The following FBLN5 variants were observed in gnomAD, a reference collection of about 807,000 sequenced individuals.
The protein encoded by FBLN5 is fibulin 5.
A neutral mutation model predicts 61.6 loss-of-function variants in FBLN5; 24 were observed. That is an observed-to-expected ratio of 0.39 (90% CI 0.28 to 0.55). FBLN5 has a LOEUF of 0.55. FBLN5 is among the 20% of genes least tolerant of loss of function. The pLI, the probability that FBLN5 is intolerant of heterozygous loss-of-function variation, is 0.65. For synonymous variants in FBLN5, 213 were observed against 219.8 expected (o/e 0.97, Z 0.27); for missense variants, 470 against 594.1 (o/e 0.79, Z 2.17).
intron 4 of FBLN5, among the ~76,000 whole-genome samples, chr14:91,911,529 C>T (rs905185929): frequency 6.6e-6 from 1 of 152,060 alleles, no homozygotes; most frequent in South Asian, 2.1e-4. Context: ...AGTGTGAGGG[C>T]GGGGAGCCCA....
At chr14:91,872,103 T>C (rs1403130830) in intron 10 of FBLN5, among the ~76,000 whole-genome samples, 1 of 152,186 alleles carries the variant, frequency 6.6e-6, no homozygotes, top group African/African-American at 2.4e-5. Context: ...CTTGTCTAAG[T>C]GCTGTATGAA....
At position 91,881,278 on chromosome 14, in the gene FBLN5, A is replaced by C. The variant is rs771621043; in HGVS notation, c.989+14T>G. 4.0e-5 allele frequency: 65 copies of C among 1,613,272 alleles called. No homozygotes were observed. The highest frequency in any genetic ancestry group is 5.3e-5 in the Non-Finnish European group (62 of 1,179,670). ...CATCAGGTTTCTATTCCCCAGGGGGACGCCGTGACTTACTTATCACTGATC... is the reference window on the plus strand; with the variant it reads ...CATCAGGTTTCTATTCCCCAGGGGGCCGCCGTGACTTACTTATCACTGATC... On this transcript the variant is annotated intron_variant, in intron 9 of 10. Transcript: ENST00000342058.
intron 4 of FBLN5, among the ~76,000 whole-genome samples, chr14:91,933,859 C>T (rs1405431207): frequency 6.6e-6 from 1 of 152,124 alleles, no homozygotes; most frequent in Non-Finnish European, 1.5e-5. Flanking sequence ...CCTATAATCC[C>T]AGCATTGTGG....
At chr14:91,937,283 A>C in intron 3 of FBLN5, 82 bp from the exon 4 acceptor site, 1 of 1,578,184 alleles carries the variant, frequency 6.3e-7, no homozygotes, top group Admixed American at 1.8e-5. Flanking sequence ...ACTCGGTACC[A>C]GGCGTGGAGG....
intron 5 of FBLN5, 68 bp downstream of exon 5, chr14:91,894,882 T>C: frequency 3.8e-6 from 5 of 1,323,054 alleles, no homozygotes; most frequent in Non-Finnish European, 5.0e-6. Context: ...GCTATGCCCA[T>C]ACCTCAAAAT....
At chr14:91,892,879 A>G (rs1055516807) in intron 5 of FBLN5, among the ~76,000 whole-genome samples, 1 of 152,222 alleles carries the variant, frequency 6.6e-6, no homozygotes, top group Non-Finnish European at 1.5e-5. Context: ...TTCAGCCATA[A>G]TTAGGCGACG....
intron 6 of FBLN5, among the ~76,000 whole-genome samples, chr14:91,889,479 G>C (rs142594790): frequency 3.9e-5 from 6 of 152,330 alleles, no homozygotes; most frequent in Non-Finnish European, 7.4e-5. Context: ...AGAAGTCTGG[G>C]CCCCTGGTTT....
intron 10 of FBLN5, among the ~76,000 whole-genome samples, chr14:91,870,762 A>G (rs952560519): frequency 6.6e-6 from 1 of 152,242 alleles, no homozygotes; most frequent in African/African-American, 2.4e-5. Context: ...GAGTTCTGTA[A>G]GAACAGGTAC....
chr14:91,900,428 C>T (rs1473856555), intron 4 of FBLN5, among the ~76,000 whole-genome samples: 3 of 152,100 alleles, frequency 2.0e-5, no homozygotes, highest in African/African-American at 7.2e-5. Context: ...GTTTTCATAA[C>T]ACAAATTCTA....
chr14:91,937,286 C>T (rs1450400905), intron 3 of FBLN5, 85 bp from the exon 4 acceptor site: 18 of 1,572,690 alleles, frequency 1.1e-5, no homozygotes, highest in Middle Eastern at 1.9e-4. Context: ...CGGTACCAGG[C>T]GTGGAGGAAG....
chr14:91,911,129 G>A (rs1257807322), intron 4 of FBLN5, among the ~76,000 whole-genome samples: 1 of 152,028 alleles, frequency 6.6e-6, no homozygotes, highest in East Asian at 1.9e-4. Flanking sequence ...GAATACAGGT[G>A]CATGCCACCA....
chr14:91,921,245 C>T (rs2055728954), intron 4 of FBLN5, among the ~76,000 whole-genome samples: 2 of 152,134 alleles, frequency 1.3e-5, no homozygotes, highest in Admixed American at 6.5e-5. Context: ...GAGCTGAGAC[C>T]AAGTAGCTCC....
chr14:91,879,574 G>T (rs1325949461), intron 9 of FBLN5, among the ~76,000 whole-genome samples: 2 of 152,220 alleles, frequency 1.3e-5, no homozygotes, highest in Non-Finnish European at 2.9e-5. Context: ...CACAGACGGG[G>T]TGGCCTGGAA....
chr14:91,910,690 A>T (rs1890882086), intron 4 of FBLN5, among the ~76,000 whole-genome samples: 1 of 152,218 alleles, frequency 6.6e-6, no homozygotes, highest in South Asian at 2.1e-4. Flanking sequence ...TGAGAAACTT[A>T]ACTCCACCCC....
chr14:91,909,644 T>G (rs1175313608), intron 4 of FBLN5, among the ~76,000 whole-genome samples: 1 of 152,150 alleles, frequency 6.6e-6, no homozygotes, highest in Admixed American at 6.5e-5. Flanking sequence ...ATATTCACAC[T>G]CTTGCTTTCT....
At position 91,882,423 on chromosome 14, in the gene FBLN5, G is replaced by T. The variant is rs1446493860; in HGVS notation, c.862+531C>A. Among the ~76,000 whole-genome samples, 1 of 152,208 alleles carries T rather than the reference G, an allele frequency of 6.6e-6. No individual in the cohort carries two copies. The highest frequency in any genetic ancestry group is 1.5e-5 in the Non-Finnish European group (1 of 68,040). ...GGTGGAGCATGGGGCTGGAACCCAG[G>T]CTAAGCAGGCAAACAGGAGAAGGCC... On this transcript the variant is annotated intron_variant, in intron 8 of 10. Coordinates refer to ENST00000342058, the MANE Select transcript of FBLN5 (RefSeq NM_006329.4). This position sits in a 1 kb window ranked among gnomAD's most constrained non-coding sequence, Gnocchi z 4.9.
At chr14:91,917,575 CAAAAAAAAAAAA>C (rs34458933) in intron 4 of FBLN5, among the ~76,000 whole-genome samples, 57 of 63,482 alleles carry the variant, frequency 9.0e-4, no homozygotes, top group East Asian at 1.1e-3. Context: ...GACTCCATCT[CAAAAAAAAAAAA>C]AAAAAAAAAA....
At chr14:91,908,837 T>C (rs1890791261) in intron 4 of FBLN5, among the ~76,000 whole-genome samples, 1 of 152,178 alleles carries the variant, frequency 6.6e-6, no homozygotes, top group Non-Finnish European at 1.5e-5. Context: ...AGAGTGTCTT[T>C]GGAGGCTTGT....
intron 4 of FBLN5, among the ~76,000 whole-genome samples, chr14:91,914,134 A>G (rs992971368): frequency 2.6e-5 from 4 of 152,116 alleles, no homozygotes; most frequent in African/African-American, 9.7e-5. Flanking sequence ...CTTGAGCTCA[A>G]GAGTTCGAGA....
Sources: gnomAD v4.1 joint callset for allele counts (sites outside exome capture counted in the v4.1 genomes callset) on GRCh38, gnomAD v4.1.1 for gene constraint, Gnocchi (gnomAD v3.1) non-coding constraint, MANE v1.5 for transcripts, NCBI Gene and HGNC (gene_info 2026-07-23, HGNC 2026-07-21) for gene names.